Variants in VPS11 observed in about 807,000 individuals in gnomAD.
The protein encoded by VPS11 is vacuolar protein sorting-associated protein 11 homolog.
Under a neutral mutation model 106.8 loss-of-function variants are expected in VPS11, and 51 were observed. The ratio of observed to expected loss-of-function variants is 0.48; its 90% CI spans 0.38 to 0.60. VPS11 has a LOEUF of 0.60. Among genes scored for constraint, VPS11 ranks in the 20% least tolerant of loss-of-function variants. The pLI is 0.00. For synonymous variants in VPS11, 453 were observed against 458.7 expected (o/e 0.99, Z 0.16); for missense variants, 950 against 1,190.0 (o/e 0.80, Z 2.97).
chr11:119,068,036 T>C, intron 1 of VPS11, 26 bp downstream of exon 1: 1 of 1,576,334 alleles, frequency 6.3e-7, no homozygotes. Context: ...AGCTGTCTTT[T>C]CCCTCCCGGG....
rs1179750690 is a variant in VPS11, at chr11:119,071,601, T to C, written c.642T>C (p.Tyr214=). 3 of 1,613,954 alleles carry C rather than the reference T, an allele frequency of 1.9e-6. No individual in the cohort carries two copies. Among genetic ancestry groups the C allele is most frequent in the Non-Finnish European group, 2.5e-6 (3 of 1,179,882 alleles). Residue 214 remains tyrosine (Y), a synonymous_variant, in exon 5 of 16, where the codon TAT becomes TAC. Coordinates refer to ENST00000621676, the MANE Select transcript of VPS11 (RefSeq NM_021729.6). ...CCCTTTGTTGCTTCTGGCAGTCCTA[T>C]ATAGTTTCTGGAAAAGACTACCCTC... ...FVVTTENVQS[Y]IVSGKDYPRV...
chr11:119,070,972 AGGCTAGAGTGCAAT>A (rs560790821), intron 4 of VPS11, among the ~76,000 whole-genome samples: 226 of 143,566 alleles, frequency 1.6e-3, no homozygotes, highest in African/African-American at 4.9e-3. Flanking sequence ...TGTGTAACCC[AGGCTAGAGTGCAAT>A]GGTGCTGTCT....
In VPS11 at chr11:119,081,444, C is replaced by T. The variant is rs370481905; in HGVS notation, c.2662-15C>T. The T allele has an allele frequency of 2.5e-6, 4 of 1,614,010 alleles. No individual in the cohort carries two copies. Among genetic ancestry groups the T allele is most frequent in the Non-Finnish European group, 2.5e-6 (3 of 1,179,882 alleles). ...TGATTCTGATTCGTATTCCTTCCCTCCTCTTCTCCTGCAGCTCAAGTGCTC... is the reference window on the plus strand; with the variant it reads ...TGATTCTGATTCGTATTCCTTCCCTTCTCTTCTCCTGCAGCTCAAGTGCTC... On this transcript the variant is annotated splice_polypyrimidine_tract_variant and intron_variant, in intron 15 of 15. Transcript: ENST00000621676.
intron 5 of VPS11, 117 bp downstream of exon 5, chr11:119,071,960 T>C (rs782164124): frequency 2.2e-5 from 30 of 1,370,248 alleles, no homozygotes; most frequent in Non-Finnish European, 2.8e-5. Context: ...TCCGGTGTTA[T>C]GTAGGTAACA....
intron 4 of VPS11, among the ~76,000 whole-genome samples, chr11:119,071,307 A>C (rs555156870): frequency 6.6e-6 from 1 of 152,192 alleles, no homozygotes; most frequent in Non-Finnish European, 1.5e-5. Flanking sequence ...GATTTACAAC[A>C]GTCTACTCTC....
rs1945331328 is a variant in VPS11, at chr11:119,070,399, T to C, written c.636+2T>C. 1 of 1,611,194 alleles carries C rather than the reference T, an allele frequency of 6.2e-7. No homozygotes were observed. Among genetic ancestry groups the C allele is most frequent in the Admixed American group, 1.7e-5 (1 of 59,856 alleles). ...GTTGTGACAACAGAGAACGTCCAGG[T>C]ATGACCAAGGCCTCCACTCTTAGGA... On this transcript the variant is annotated splice_donor_variant, in intron 4 of 15. Transcript: ENST00000621676. LOFTEE classifies it high-confidence loss of function.
chr11:119,081,475 A>G lies in VPS11; in HGVS notation c.2678A>G (p.Asp893Gly), dbSNP rs1945850649. Residue 893 changes from aspartate (D) to glycine (G), a missense_variant, in exon 16 of 16, where the codon GAC (aspartate) becomes GGC (glycine). Coordinates refer to ENST00000621676, the MANE Select transcript of VPS11 (RefSeq NM_021729.6). ...CTCCTGCAGCTCAAGTGCTCCAATGACAGCTTTTCTGTGATTGCTGACTAC... is the reference window on the plus strand; with the variant it reads ...CTCCTGCAGCTCAAGTGCTCCAATGGCAGCTTTTCTGTGATTGCTGACTAC... ...QFQHQLKCSN[D>G]SFSVIADYFG... 1.2e-6 allele frequency: 2 copies of G among 1,613,906 alleles called. No homozygotes were observed. Among genetic ancestry groups the G allele is most frequent in the South Asian group, 2.2e-5 (2 of 91,078 alleles).
Position 119,078,345 on chromosome 11 carries a change from G to A in VPS11, c.1923+11G>A, listed in dbSNP as rs1945714814. 2 of 1,607,304 alleles carry A rather than the reference G, an allele frequency of 1.2e-6. No homozygotes were observed. Among genetic ancestry groups the A allele is most frequent in the Non-Finnish European group, 1.7e-6 (2 of 1,179,554 alleles). ...GAGAAGGATCCACAGGTGAGGCCTGGCCAGGGCTTCAGGAGAAAAGACAGT... is the reference window on the plus strand; with the variant it reads ...GAGAAGGATCCACAGGTGAGGCCTGACCAGGGCTTCAGGAGAAAAGACAGT... On this transcript the variant is annotated intron_variant, in intron 11 of 15. Coordinates refer to ENST00000621676, the MANE Select transcript of VPS11 (RefSeq NM_021729.6).
At chr11:119,070,622 T>TC (rs945814740) in intron 4 of VPS11, 19 of 399,896 alleles carry the variant, frequency 4.8e-5, no homozygotes, top group African/African-American at 3.9e-4. Flanking sequence ...TTTTTTTTTT[T>TC]TGAGACCGAG....
At chr11:119,075,541 C>CT (rs33978855) in intron 7 of VPS11, among the ~76,000 whole-genome samples, 4,808 of 87,454 alleles carry the variant, frequency 0.055, 260 homozygotes, top group African/African-American at 0.15. Context: ...CCTGTCTCCA[C>CT]TAAAAAAAAA....
chr11:119,078,878 A>C lies in VPS11; in HGVS notation c.2147A>C (p.Asp716Ala), dbSNP rs1440741927. The C allele has an allele frequency of 1.2e-6, 2 of 1,613,864 alleles. No homozygotes were observed. Among genetic ancestry groups the C allele is most frequent in the Non-Finnish European group, 1.7e-6 (2 of 1,179,860 alleles). ...GTGTGTGAGCGCCATGGGGAGCAGG[A>C]CCCCTCCTTGTGGGAGCAGGCCCTC... ...ISVCERHGEQ[D>A]PSLWEQALSY... The change falls in exon 13 of 16, where the codon GAC (aspartate) becomes GCC (alanine). Residue 716 changes from aspartate to alanine, a missense_variant. This residue lies in a region of VPS11 where 453 missense variants were observed against 514.6 expected (regional missense o/e 0.88). Coordinates refer to ENST00000621676, the MANE Select transcript of VPS11 (RefSeq NM_021729.6).
chr11:119,076,704 T>G, intron 7 of VPS11, 193 bp from the exon 8 acceptor site: 1 of 619,302 alleles, frequency 1.6e-6, no homozygotes, highest in Non-Finnish European at 2.7e-6. Context: ...TGGAGCCTTG[T>G]TACCCAGTGT....
intron 8 of VPS11, 102 bp downstream of exon 8, chr11:119,077,185 G>T: frequency 7.1e-7 from 1 of 1,409,700 alleles, no homozygotes; most frequent in Non-Finnish European, 9.6e-7. Flanking sequence ...AGAGGAAAGG[G>T]CTGACCTTAT....
At chr11:119,072,024 T>C (rs1592183665) in intron 5 of VPS11, 181 bp downstream of exon 5, 2 of 765,170 alleles carry the variant, frequency 2.6e-6, no homozygotes, top group African/African-American at 3.5e-5. Flanking sequence ...AGGAGTGCAG[T>C]GGCGTGATCT....
chr11:119,075,307 G>A (rs1025802182), intron 7 of VPS11, among the ~76,000 whole-genome samples: 9 of 151,944 alleles, frequency 5.9e-5, no homozygotes, highest in African/African-American at 1.9e-4. Flanking sequence ...AGTGGCATGT[G>A]CCTGTGATCC....
rs1452048475 is a variant in VPS11, at chr11:119,079,012, A to G, written c.2266+15A>G. ...ACCTCTTCTAGGTACTTGGGAAGAC[A>G]GATGGGTGGGTGACAAGCTGCTGAC... On this transcript the variant is annotated intron_variant, in intron 13 of 15. Coordinates refer to ENST00000621676, the MANE Select transcript of VPS11 (RefSeq NM_021729.6). 1.2e-6 allele frequency: 2 copies of G among 1,613,742 alleles called. No individual in the cohort carries two copies. Among genetic ancestry groups the G allele is most frequent in the Non-Finnish European group, 1.7e-6 (2 of 1,179,600 alleles).
intron 1 of VPS11, among the ~76,000 whole-genome samples, chr11:119,068,877 G>T (rs958742187): frequency 6.6e-6 from 1 of 151,260 alleles, no homozygotes; most frequent in Non-Finnish European, 1.5e-5. Context: ...TCAACCTCCT[G>T]AGTAGCTGAA....
intron 14 of VPS11, among the ~76,000 whole-genome samples, chr11:119,080,065 T>C (rs113161696): frequency 0.064 from 9,788 of 152,216 alleles, 1,043 homozygotes; most frequent in African/African-American, 0.22. Context: ...GCAAACTTTT[T>C]TTTTTTCTTT....
In VPS11 at chr11:119,078,914, C is replaced by G. The variant is rs1259398268; in HGVS notation, c.2183C>G (p.Ala728Gly). Residue 728 changes from alanine to glycine, a missense_variant, in exon 13 of 16, where the codon GCT becomes GGT. Around this residue, in one of 3 missense-constraint regions of VPS11, gnomAD observed 453 missense variants for 514.6 expected, o/e 0.88. Transcript: ENST00000621676. ...SLWEQALSYF[A>G]RKEEDCKEYV... Reference sequence around the variant, plus strand: ...TGGGAGCAGGCCCTCAGCTACTTCGCTCGCAAGGAGGAGGACTGCAAGGAG... The same window carrying G: ...TGGGAGCAGGCCCTCAGCTACTTCGGTCGCAAGGAGGAGGACTGCAAGGAG... 1 of 1,613,916 alleles carries G rather than the reference C, an allele frequency of 6.2e-7. No individual in the cohort carries two copies. The highest frequency in any genetic ancestry group is 8.5e-7 in the Non-Finnish European group (1 of 1,179,908).
Sources: gnomAD v4.1 joint callset for allele counts (sites outside exome capture counted in the v4.1 genomes callset) on GRCh38, gnomAD v4.1.1 for gene constraint, gnomAD v4.1.1 regional missense constraint, MANE v1.5 for transcripts, NCBI Gene and HGNC (gene_info 2026-07-23, HGNC 2026-07-21) for gene names.